Variants in ISOC1 observed in about 807,000 individuals in gnomAD.
ISOC1 encodes the protein isochorismatase domain containing 1.
ISOC1 carries 33 observed loss-of-function variants against 30.0 expected under a neutral mutation model. The observed-to-expected ratio is 1.10, with a 90% CI of 0.83 to 1.47. The LOEUF is 1.47. Ranked by LOEUF, ISOC1 falls within the 40% of genes most tolerant of loss-of-function variation. The probability of loss-of-function intolerance (pLI) is 0.00; values close to 1 mark genes in which losing one functional copy is unlikely to be tolerated. For synonymous variants in ISOC1, 178 were observed against 159.8 expected (o/e 1.11, Z -0.86); for missense variants, 372 against 388.0 (o/e 0.96, Z 0.35).
rs201843811 is a variant in ISOC1, at chr5:129,106,996, C to G, written c.684C>G (p.Val228=). Residue 228 remains valine (V), a synonymous_variant, in exon 4 of 5, where the codon GTC becomes GTG. Transcript: ENST00000173527. The stretch of plus-strand genomic sequence containing the variant: ...CCCTGGAGCTAGTTGGCCGAGGAGT[C>G]GAGGTTCACATTGTTGCTGATGCCA... ...QTALELVGRG[V]EVHIVADATS... 1.9e-6 allele frequency: 3 copies of G among 1,613,736 alleles called. No homozygotes were observed. Among genetic ancestry groups the G allele is most frequent in the Admixed American group, 1.7e-5 (1 of 59,988 alleles).
chr5:129,101,161 C>CAAAAAA (rs1156603818), intron 1 of ISOC1, among the ~76,000 whole-genome samples: 22 of 19,496 alleles, frequency 1.1e-3, no homozygotes, highest in Non-Finnish European at 1.2e-3. Flanking sequence ...CTCAGCTAAT[C>CAAAAAA]AAAAAAAAAA....
chr5:129,105,369 T>C lies in ISOC1; in HGVS notation c.614T>C (p.Val205Ala), dbSNP rs1019913281. The C allele has an allele frequency of 1.2e-6, 2 of 1,613,510 alleles. No individual in the cohort carries two copies. Among genetic ancestry groups the C allele is most frequent in the Admixed American group, 3.3e-5 (2 of 59,998 alleles). The change falls in exon 3 of 5, where the codon GTT becomes GCT. Residue 205 changes from valine to alanine, a missense_variant. Physicochemically the swap from Val to Ala is moderately conservative, Grantham distance 64. Coordinates refer to ENST00000173527, the MANE Select transcript of ISOC1 (RefSeq NM_016048.2). ...GCAGAGATTCCCGGAGTCAGGAGTG[T>C]TGTATTATTTGGAGTAGAAGTAAGT... ...ALAEIPGVRS[V>A]VLFGVETHVC...
chr5:129,107,189 A>C (rs938177911), intron 4 of ISOC1, 127 bp downstream of exon 4: 86 of 696,396 alleles, frequency 1.2e-4, no homozygotes, highest in Non-Finnish European at 1.7e-4. Flanking sequence ...TATCAGACTA[A>C]TTGATTTCAA....
In ISOC1 at chr5:129,106,970, G is replaced by T. The variant is rs1303152679; in HGVS notation, c.658G>T (p.Ala220Ser). 7.4e-6 allele frequency: 12 copies of T among 1,613,470 alleles called. No individual in the cohort carries two copies. Among genetic ancestry groups the T allele is most frequent in the Non-Finnish European group, 1.0e-5 (12 of 1,179,650 alleles). ...GACTCATGTGTGCATCCAACAAACT[G>T]CCCTGGAGCTAGTTGGCCGAGGAGT... ...VETHVCIQQT[A>S]LELVGRGVEV... Residue 220 changes from alanine to serine, a missense_variant, in exon 4 of 5, where the codon GCC becomes TCC. Transcript: ENST00000173527.
intron 4 of ISOC1, 112 bp downstream of exon 4, chr5:129,107,174 G>A: frequency 1.3e-6 from 1 of 784,978 alleles, no homozygotes; most frequent in Non-Finnish European, 2.2e-6. Flanking sequence ...GAGTTGGTCT[G>A]GCAATATCAG....
chr5:129,111,595 A>G (rs985526609), intron 4 of ISOC1, among the ~76,000 whole-genome samples: 2 of 152,064 alleles, frequency 1.3e-5, no homozygotes, highest in African/African-American at 4.8e-5. Flanking sequence ...TTTTACATAT[A>G]TGCTTTTTGT....
chr5:129,107,252 C>T (rs560651556), intron 4 of ISOC1, among the ~76,000 whole-genome samples, 190 bp downstream of exon 4: 1 of 152,142 alleles, frequency 6.6e-6, no homozygotes, highest in Non-Finnish European at 1.5e-5. Context: ...TTTTATGTCT[C>T]GTTTCCTCCT....
Position 129,094,785 on chromosome 5 carries a change from G to C in ISOC1, c.19G>C (p.Ala7Pro), listed in dbSNP as rs992122124. The change falls in exon 1 of 5, where the codon GCG becomes CCG. Residue 7 changes from alanine (A) to proline (P), a missense_variant. Coordinates refer to ENST00000173527, the MANE Select transcript of ISOC1 (RefSeq NM_016048.2). MAAAEP[A>P]VLALPNSGAG... ...GGGGAACATGGCGGCTGCGGAGCCG[G>C]CGGTCCTTGCGCTCCCCAACAGCGG... 4 of 1,510,774 alleles carry C rather than the reference G, an allele frequency of 2.6e-6. No homozygotes were observed. Among genetic ancestry groups the C allele is most frequent in the Non-Finnish European group, 3.5e-6 (4 of 1,135,236 alleles). 93.6% of individuals were successfully genotyped at this position (1,510,774 alleles called of 1,614,324 possible). A position where few individuals can be genotyped will look rare whatever the true frequency, so the allele number is the denominator to read the frequency against.
chr5:129,106,496 G>A (rs1381419913), intron 3 of ISOC1, among the ~76,000 whole-genome samples: 1 of 152,094 alleles, frequency 6.6e-6, no homozygotes, highest in Non-Finnish European at 1.5e-5. Flanking sequence ...TTACTACAGA[G>A]TGCCTCATAA....
chr5:129,097,871 C>CAAATGAATGTCACTTGGAA (rs1753524478), intron 1 of ISOC1: 4 of 152,624 alleles, frequency 2.6e-5, no homozygotes, highest in African/African-American at 9.7e-5. Flanking sequence ...TGTCTTGGTG[C>CAAATGAATGTCACTTGGAA]TGCTCCTTGT....
intron 1 of ISOC1, among the ~76,000 whole-genome samples, chr5:129,099,392 C>T (rs1292629239): frequency 6.6e-6 from 1 of 152,148 alleles, no homozygotes; most frequent in Non-Finnish European, 1.5e-5. Context: ...AAAACTCATA[C>T]CTTAACTGAT....
intron 2 of ISOC1, 33 bp downstream of exon 2, chr5:129,105,108 T>G: frequency 6.2e-7 from 1 of 1,613,644 alleles, no homozygotes; most frequent in Non-Finnish European, 8.5e-7. Context: ...TCATATTTGC[T>G]GAATCATCAT....
chr5:129,104,852 C>T, intron 1 of ISOC1, 104 bp from the exon 2 acceptor site: 1 of 1,099,828 alleles, frequency 9.1e-7, no homozygotes, highest in Non-Finnish European at 1.3e-6. Flanking sequence ...AATTGACTTA[C>T]TGGCTCAAAC....
chr5:129,101,410 C>T (rs1391980853), intron 1 of ISOC1, among the ~76,000 whole-genome samples: 5 of 151,842 alleles, frequency 3.3e-5, no homozygotes, highest in East Asian at 3.9e-4. Context: ...GCACAAGAAT[C>T]GCTTGAACCA....
intron 1 of ISOC1, among the ~76,000 whole-genome samples, chr5:129,095,860 C>T (rs527442215): frequency 3.9e-5 from 6 of 152,242 alleles, no homozygotes; most frequent in Admixed American, 2.6e-4. Flanking sequence ...GTTAATCTTC[C>T]GCCCTCTTTA....
intron 2 of ISOC1, 53 bp from the exon 3 acceptor site, chr5:129,105,132 T>TATATAC (rs1753619798): frequency 6.2e-7 from 1 of 1,613,148 alleles, no homozygotes; most frequent in African/African-American, 1.3e-5. Context: ...CACTCATATA[T>TATATAC]ACACATATAT....
At chr5:129,106,845 T>A in intron 3 of ISOC1, 101 bp from the exon 4 acceptor site, 2 of 754,864 alleles carry the variant, frequency 2.6e-6, no homozygotes, top group Non-Finnish European at 4.6e-6. Flanking sequence ...GGTCCTTAGA[T>A]GATCTGTAGT....
chr5:129,108,516 T>C (rs1470508010), intron 4 of ISOC1, among the ~76,000 whole-genome samples: 1 of 152,080 alleles, frequency 6.6e-6, no homozygotes, highest in Non-Finnish European at 1.5e-5. Context: ...ATTTCTTTTT[T>C]TTTTTTTTGA....
chr5:129,100,895 A>G (rs1753562226), intron 1 of ISOC1, among the ~76,000 whole-genome samples: 1 of 151,598 alleles, frequency 6.6e-6, no homozygotes, highest in Non-Finnish European at 1.5e-5. Flanking sequence ...CAAATATCAT[A>G]GCATAGGGAG....
Sources: allele counts gnomAD v4.1 joint callset (sites outside exome capture counted in the v4.1 genomes callset), GRCh38; gene constraint gnomAD v4.1.1; transcripts MANE v1.5; gene names NCBI Gene and HGNC (gene_info 2026-07-23, HGNC 2026-07-21).